Variants in DPYD observed in about 807,000 individuals in gnomAD.
DPYD encodes dihydropyrimidine dehydrogenase [NADP(+)].
A neutral mutation model predicts 116.2 loss-of-function variants in DPYD; 109 were observed. The observed-to-expected ratio is 0.94, with a 90% CI of 0.80 to 1.10. The LOEUF (loss-of-function observed/expected upper bound fraction) is 1.10, where lower values mean the gene tolerates loss of function less well. Among genes scored for constraint, DPYD ranks in the 50% least tolerant of loss-of-function variants. The pLI is 0.00. For missense variants in DPYD, 1,302 were observed against 1,254.5 expected (o/e 1.04, Z -0.57); for synonymous variants, 440 against 432.0 (o/e 1.02, Z -0.23).
chr1:97,112,769 C>CACTT (rs1205967135), intron 20 of DPYD, among the ~76,000 whole-genome samples: 3 of 152,096 alleles, frequency 2.0e-5, no homozygotes, highest in Admixed American at 6.6e-5. Context: ...CATTGGCAGG[C>CACTT]ACTTTGTCTC....
intron 3 of DPYD, among the ~76,000 whole-genome samples, chr1:97,763,340 A>T (rs1476371520): frequency 6.6e-6 from 1 of 151,984 alleles, no homozygotes; most frequent in Non-Finnish European, 1.5e-5. Flanking sequence ...TTTATCTTCC[A>T]CTCAGTGCCT....
intron 8 of DPYD, among the ~76,000 whole-genome samples, chr1:97,650,817 G>A (rs1425339945): frequency 6.6e-6 from 1 of 151,584 alleles, no homozygotes; most frequent in Non-Finnish European, 1.5e-5. Context: ...AATCTTATCT[G>A]TTTCCACAGT....
At chr1:97,800,345 C>T (rs1279879324) in intron 3 of DPYD, among the ~76,000 whole-genome samples, 1 of 151,658 alleles carries the variant, frequency 6.6e-6, no homozygotes, top group Non-Finnish European at 1.5e-5. Context: ...ATAAAGAGCC[C>T]CCTTGCAGTT....
chr1:97,186,364 G>A (rs1475602327), intron 20 of DPYD, among the ~76,000 whole-genome samples: 1 of 152,062 alleles, frequency 6.6e-6, no homozygotes, highest in Non-Finnish European at 1.5e-5. Context: ...TACCCGTTAA[G>A]CAATTCCTCA....
chr1:97,747,679 C>G (rs143599323), intron 3 of DPYD, among the ~76,000 whole-genome samples: 36 of 152,232 alleles, frequency 2.4e-4, no homozygotes, highest in Admixed American at 2.6e-4. Flanking sequence ...TGCATGGACC[C>G]AGACTTTCGT....
intron 14 of DPYD, among the ~76,000 whole-genome samples, chr1:97,434,094 C>A (rs1459399997): frequency 6.6e-6 from 1 of 151,864 alleles, no homozygotes; most frequent in African/African-American, 2.4e-5. Context: ...TTAAAGGACA[C>A]ATTATGAAAA....
chr1:97,907,522 G>C (rs1673698243), intron 1 of DPYD, among the ~76,000 whole-genome samples: 1 of 152,024 alleles, frequency 6.6e-6, no homozygotes, highest in Non-Finnish European at 1.5e-5. Context: ...GCCAGAACCA[G>C]GACTTTAATA....
In DPYD at chr1:97,899,573, A is replaced by T. The variant is rs190870850; in HGVS notation, c.40-16199T>A. Among the ~76,000 whole-genome samples, 49 of 152,010 alleles carry T rather than the reference A, an allele frequency of 3.2e-4. 1 individual carries two copies. Among genetic ancestry groups the T allele is most frequent in the Middle Eastern group, 6.8e-3 (2 of 294 alleles). On this transcript the variant is annotated intron_variant, in intron 1 of 22. Coordinates refer to ENST00000370192, the MANE Select transcript of DPYD (RefSeq NM_000110.4). The stretch of plus-strand genomic sequence containing the variant: ...TCTTGGAACCCCCAATACAAAATGT[A>T]CATCTATTCCCTAGTGTCCCACCTT...
chr1:97,464,561 G>A (rs912849199), intron 13 of DPYD, among the ~76,000 whole-genome samples: 5 of 152,100 alleles, frequency 3.3e-5, no homozygotes, highest in African/African-American at 1.2e-4. Context: ...CGTGTCCTGT[G>A]CCCCAGCAAC....
chr1:97,533,926 T>A (rs1237034214), intron 12 of DPYD, among the ~76,000 whole-genome samples: 1 of 152,130 alleles, frequency 6.6e-6, no homozygotes, highest in Non-Finnish European at 1.5e-5. Flanking sequence ...TGCTCATTTG[T>A]ATCCTTCTGT....
chr1:97,265,828 G>GTCATCTAAGTGGAGAGTATC (rs1379579436), intron 18 of DPYD, among the ~76,000 whole-genome samples: 1 of 152,026 alleles, frequency 6.6e-6, no homozygotes, highest in Non-Finnish European at 1.5e-5. Flanking sequence ...TCATAAGTTA[G>GTCATCTAAGTGGAGAGTATC]AAAATTTTGA....
Position 97,804,615 on chromosome 1 carries a change from A to G in DPYD, c.233+23499T>C, listed in dbSNP as rs1300890340. 4.6e-5 allele frequency among the ~76,000 whole-genome samples: 7 copies of G among 152,000 alleles called. No individual in the cohort carries two copies. In the East Asian group the frequency reaches 7.7e-4, roughly 17 times the overall value. The stretch of plus-strand genomic sequence containing the variant: ...GTCATTTGATTGTGTTCACCCAAGT[A>G]TAGCATACTCAATGATACAGAACTC... On this transcript the variant is annotated intron_variant, in intron 3 of 22. Coordinates refer to ENST00000370192, the MANE Select transcript of DPYD (RefSeq NM_000110.4).
At chr1:97,831,666 A>G (rs1445444840) in intron 2 of DPYD, among the ~76,000 whole-genome samples, 2 of 152,042 alleles carry the variant, frequency 1.3e-5, no homozygotes, top group Admixed American at 6.6e-5. Context: ...CCTTTGACCA[A>G]TATAATGGCA....
intron 3 of DPYD, among the ~76,000 whole-genome samples, chr1:97,763,922 C>T (rs1257135744): frequency 6.6e-6 from 1 of 151,992 alleles, no homozygotes; most frequent in Non-Finnish European, 1.5e-5. Flanking sequence ...CAAGGATTTT[C>T]GTTTTCTTCC....
intron 19 of DPYD, among the ~76,000 whole-genome samples, chr1:97,205,744 C>T (rs1189520553): frequency 6.6e-6 from 1 of 152,046 alleles, no homozygotes; most frequent in Non-Finnish European, 1.5e-5. Context: ...TTCAAGGTTC[C>T]TTTTATCTGG....
chr1:97,417,585 C>T (rs1674352447), intron 14 of DPYD, among the ~76,000 whole-genome samples: 1 of 152,124 alleles, frequency 6.6e-6, no homozygotes, highest in African/African-American at 2.4e-5. Flanking sequence ...ACATAGTAAG[C>T]AAAAATTCTT....
intron 2 of DPYD, among the ~76,000 whole-genome samples, chr1:97,863,233 A>G (rs1436079192): frequency 6.6e-6 from 1 of 151,964 alleles, no homozygotes; most frequent in Non-Finnish European, 1.5e-5. Flanking sequence ...AAGAAATGCC[A>G]TATGATCATC....
At chr1:97,142,188 G>C (rs1654273751) in intron 20 of DPYD, among the ~76,000 whole-genome samples, 1 of 152,152 alleles carries the variant, frequency 6.6e-6, no homozygotes, top group Non-Finnish European at 1.5e-5. Flanking sequence ...AGTTCTTCAA[G>C]TCAACTTGCA....
At chr1:97,632,221 T>A (rs1284399003) in intron 8 of DPYD, among the ~76,000 whole-genome samples, 1 of 152,090 alleles carries the variant, frequency 6.6e-6, no homozygotes, top group Non-Finnish European at 1.5e-5. Flanking sequence ...ATACTAAATG[T>A]TCAATGAAAC....
Sources: allele counts gnomAD v4.1 joint callset (sites outside exome capture counted in the v4.1 genomes callset), GRCh38; gene constraint gnomAD v4.1.1; transcripts MANE v1.5; gene names NCBI Gene and HGNC (gene_info 2026-07-23, HGNC 2026-07-21).